The following HNRNPH1 variants were observed in gnomAD, a reference collection of about 807,000 sequenced individuals.
HNRNPH1 encodes the protein heterogeneous nuclear ribonucleoprotein H.
A neutral mutation model predicts 58.6 loss-of-function variants in HNRNPH1; 4 were observed. The observed-to-expected ratio is 0.07, with a 90% CI of 0.03 to 0.16. The LOEUF (loss-of-function observed/expected upper bound fraction) is 0.16. Among genes scored for constraint, HNRNPH1 ranks in the 10% least tolerant of loss-of-function variants. HNRNPH1 has a pLI of 1.00. For synonymous variants in HNRNPH1, 192 were observed against 189.2 expected (o/e 1.01, Z -0.12); for missense variants, 271 against 564.2 (o/e 0.48, Z 5.26).
At chr5:179,617,709 A>G in intron 7 of HNRNPH1, 60 bp from the exon 9 acceptor site, 11 of 1,603,196 alleles carry the variant, frequency 6.9e-6, no homozygotes, top group Non-Finnish European at 8.5e-6. Context: ...AAAAAAACCT[A>G]AAATTTCTAA....
rs570455525 is a variant in HNRNPH1 at position 179,630,919 on chromosome 5, AAG to A, written c.-32+3144_-32+3145del. Reference sequence around the variant, plus strand: ...TCTCAAAAAAAAAAAAATCTCAAAAAAGAAACAAAAACAGCTCAAAAAAAAAA... The same window carrying A: ...TCTCAAAAAAAAAAAAATCTCAAAAAAAACAAAAACAGCTCAAAAAAAAAA... On this transcript the variant is annotated intron_variant, in intron 2 of 4. Coordinates refer to the HNRNPH1 transcript ENST00000521116. 1.2e-3 allele frequency among the ~76,000 whole-genome samples: 188 copies of A among 151,994 alleles called. 3 individuals carry two copies. The highest frequency in any genetic ancestry group is 4.4e-3 in the African/African-American group (181 of 41,366).
chr5:179,628,920 G>A (rs1355572240), upstream of HNRNPH1, among the ~76,000 whole-genome samples: 1 of 152,174 alleles, frequency 6.6e-6, no homozygotes, highest in African/African-American at 2.4e-5. Context: ...GACAGAGGTT[G>A]CAGTGAGCCA....
intron 7 of HNRNPH1, 50 bp downstream of exon 8, chr5:179,617,749 G>A (rs942148816): frequency 2.5e-6 from 4 of 1,608,664 alleles, no homozygotes; most frequent in Non-Finnish European, 2.6e-6. Flanking sequence ...GAATAAGGCT[G>A]ACTTACTGCC....
At chr5:179,617,593 T>C (rs1316378356) in exon 8 of HNRNPH1, 1 of 1,614,054 alleles carries the variant, frequency 6.2e-7, no homozygotes, top group Middle Eastern at 1.6e-4. Flanking sequence ...CACCAGTTAC[T>C]CTGCCATCAG....
intron 10 of HNRNPH1, 62 bp from the exon 12 acceptor site, chr5:179,616,280 G>T: frequency 3.9e-6 from 5 of 1,269,942 alleles, no homozygotes; most frequent in Non-Finnish European, 5.8e-6. Flanking sequence ...TGGTGGTACC[G>T]GGCTTGTAAT....
chr5:179,619,588 T>C, intron 3 of HNRNPH1, 181 bp from the exon 5 acceptor site: 2 of 520,504 alleles, frequency 3.8e-6, no homozygotes, highest in South Asian at 6.1e-5. Flanking sequence ...TTATAAAGTA[T>C]AACTATTCTT....
exon 13 of HNRNPH1, chr5:179,614,590 ATAAC>A (rs1023660865): frequency 7.9e-5 from 25 of 317,652 alleles, no homozygotes; most frequent in African/African-American, 1.0e-4. Context: ...AGTACATCCT[ATAAC>A]TAACTTGAGA....
At chr5:179,626,716 T>TA (rs568513306), upstream of HNRNPH1, among the ~76,000 whole-genome samples, 844 of 135,636 alleles carry the variant, frequency 6.2e-3, 5 homozygotes, top group Middle Eastern at 0.015. Context: ...ACTCTGTCTT[T>TA]AAAAAAAAAA....
At chr5:179,632,043 A>C (rs1774871118) in intron 2 of HNRNPH1, among the ~76,000 whole-genome samples, 2 of 151,542 alleles carry the variant, frequency 1.3e-5, no homozygotes, top group African/African-American at 4.8e-5. Context: ...GCGGCGGCTC[A>C]CGCCTGTAAT....
At chr5:179,621,936 T>A (rs1265447243) in intron 1 of HNRNPH1, 2 of 456,350 alleles carry the variant, frequency 4.4e-6, no homozygotes, top group Admixed American at 2.3e-5. Context: ...GCTTCCAGCG[T>A]ACTTGGTTCT....
chr5:179,622,725 G>A (rs988024279), intron 1 of HNRNPH1: 9 of 152,450 alleles, frequency 5.9e-5, no homozygotes, highest in Non-Finnish European at 1.0e-4. Context: ...AAGAAAAAAA[G>A]ACACCCATAA....
chr5:179,628,352 T>G (rs1774552043), upstream of HNRNPH1, among the ~76,000 whole-genome samples: 1 of 152,082 alleles, frequency 6.6e-6, no homozygotes, highest in African/African-American at 2.4e-5. Flanking sequence ...TTTTAAAAAT[T>G]TGTATTTATT....
chr5:179,616,488 T>C (rs1769748824), intron 10 of HNRNPH1: 1 of 532,456 alleles, frequency 1.9e-6, no homozygotes, highest in Admixed American at 3.4e-5. Flanking sequence ...TTTGTGAAGA[T>C]CTTATGAAAC....
intron 4 of HNRNPH1, 99 bp downstream of exon 5, chr5:179,619,170 G>A (rs1562265412): frequency 7.7e-6 from 8 of 1,042,800 alleles, no homozygotes; most frequent in African/African-American, 1.6e-5. Context: ...AATTACCTAG[G>A]ACTACAAAAC....
chr5:179,615,631 C>A, intron 11 of HNRNPH1, 36 bp from the exon 13 acceptor site: 1 of 1,094,512 alleles, frequency 9.1e-7, no homozygotes, highest in South Asian at 1.4e-5. Context: ...ACTATAATAC[C>A]AAAATCACCA....
intron 12 of HNRNPH1, 48 bp from the exon 14 acceptor site, chr5:179,615,007 G>T: frequency 3.6e-6 from 4 of 1,103,422 alleles, no homozygotes; most frequent in South Asian, 2.7e-5. Context: ...CAGACTACCA[G>T]TCAAATAAAA....
At chr5:179,625,523 T>G (rs930837717), upstream of HNRNPH1, among the ~76,000 whole-genome samples, 2 of 141,718 alleles carry the variant, frequency 1.4e-5, no homozygotes, top group Non-Finnish European at 3.0e-5. Context: ...CCAGGCATGG[T>G]GATGCATGCC....
In HNRNPH1 at chr5:179,633,522, C is replaced by G. The variant is rs188868003; in HGVS notation, c.-32+543G>C. Among the ~76,000 whole-genome samples the G allele has an allele frequency of 7.8e-3, 1,103 of 141,440 alleles. 14 individuals carry two copies. The highest frequency in any genetic ancestry group is 0.027 in the African/African-American group (1,018 of 38,270). The allele number at this position is 141,440 out of a possible 152,430, so 92.8% of individuals were successfully genotyped here. A position where few individuals can be genotyped will look rare whatever the true frequency, so the allele number is the denominator to read the frequency against. On this transcript the variant is annotated intron_variant, in intron 2 of 4. Transcript: ENST00000521116. ...AGAGACGGGGTTTCACCGTGTCAGC[C>G]GGGATGGTATCCATCTCCTGACCTC...
intron 1 of HNRNPH1, chr5:179,622,088 C>T (rs1772676267): frequency 2.3e-6 from 1 of 426,498 alleles, no homozygotes; most frequent in Admixed American, 2.8e-5. Context: ...ATAATAGGAA[C>T]AAGGACATTC....
Sources: gnomAD v4.1 joint callset for allele counts (sites outside exome capture counted in the v4.1 genomes callset) on GRCh38, gnomAD v4.1.1 for gene constraint, MANE v1.5 for transcripts, NCBI Gene and HGNC (gene_info 2026-07-23, HGNC 2026-07-21) for gene names.